SCRN1: variants seen among roughly 807,000 people sequenced by gnomAD.
SCRN1 encodes secernin-1.
Under a neutral mutation model 43.3 loss-of-function variants are expected in SCRN1, and 19 were observed. The observed-to-expected ratio is 0.44, with a 90% CI of 0.31 to 0.64. The LOEUF is 0.64. Ranked by LOEUF, SCRN1 falls within the 30% of genes least tolerant of loss-of-function variation. The pLI is 0.09. For missense variants in SCRN1, 447 were observed against 524.1 expected (o/e 0.85, Z 1.44); for synonymous variants, 183 against 188.9 (o/e 0.97, Z 0.26).
chr7:29,966,517 C>G (rs1390186128), intron 2 of SCRN1, among the ~76,000 whole-genome samples: 1 of 151,906 alleles, frequency 6.6e-6, no homozygotes, highest in Non-Finnish European at 1.5e-5. Flanking sequence ...AGTAACAACT[C>G]AAATCAGCAA....
At chr7:29,969,252 G>A (rs1411198294) in intron 1 of SCRN1, 184 bp from the exon 2 acceptor site, 5 of 635,142 alleles carry the variant, frequency 7.9e-6, no homozygotes, top group Admixed American at 3.0e-5. Flanking sequence ...CAGAGCCACC[G>A]AGACCAGATA....
intron 7 of SCRN1, among the ~76,000 whole-genome samples, chr7:29,925,854 C>CAAAAAA (rs59395122): frequency 6.0e-5 from 5 of 83,978 alleles, no homozygotes; most frequent in African/African-American, 8.3e-5. Flanking sequence ...ACTAAAAATA[C>CAAAAAA]AAAAAAAAAA....
upstream of SCRN1, chr7:29,990,196 C>T (rs1266373416): frequency 4.5e-6 from 7 of 1,551,672 alleles, no homozygotes; most frequent in East Asian, 7.3e-5. Context: ...TTGACTCGCA[C>T]GTCCAAGTCG....
rs778950450 is a variant in SCRN1 at position 29,926,507 on chromosome 7, C to T, written c.1031G>A (p.Arg344Gln). The change falls in exon 7 of 8, where the codon CGG (arginine) becomes CAG (glutamine). Residue 344 changes from arginine to glutamine, a missense_variant. By Grantham distance (43) the Arg-to-Gln change is conservative. Coordinates refer to ENST00000242059, the MANE Select transcript of SCRN1 (RefSeq NM_014766.5). Reference sequence around the variant, plus strand: ...CTCGTGGGCTTTGTACAGCTCATGCCGGCGGTCTGGTTTCTCCTGGAACCG... The same window carrying T: ...CTCGTGGGCTTTGTACAGCTCATGCTGGCGGTCTGGTTTCTCCTGGAACCG... ...EPRFQEKPDR[R>Q]HELYKAHEWA... 6.8e-6 allele frequency: 11 copies of T among 1,613,962 alleles called. No homozygotes were observed. The highest frequency in any genetic ancestry group is 6.7e-5 in the African/African-American group (5 of 74,904).
At chr7:29,932,869 A>AT (rs1787206770) in intron 6 of SCRN1, among the ~76,000 whole-genome samples, 1 of 151,206 alleles carries the variant, frequency 6.6e-6, no homozygotes, top group Non-Finnish European at 1.5e-5. Flanking sequence ...CCTGTATCTT[A>AT]TTTATTTTAT....
chr7:29,931,714 G>A (rs1040565413), intron 6 of SCRN1, among the ~76,000 whole-genome samples: 4 of 152,196 alleles, frequency 2.6e-5, no homozygotes, highest in Admixed American at 6.5e-5. Flanking sequence ...AAACCAGGCT[G>A]CTCCTGTGAC....
At chr7:29,947,037 T>A (rs1196662417) in intron 3 of SCRN1, among the ~76,000 whole-genome samples, 1 of 152,254 alleles carries the variant, frequency 6.6e-6, no homozygotes, top group Non-Finnish European at 1.5e-5. Flanking sequence ...TCTGGCCCCA[T>A]GCCTAATTTC....
chr7:29,955,187 A>T lies in SCRN1; in HGVS notation c.333T>A (p.Asp111Glu), dbSNP rs1038484976. 2.7e-5 allele frequency: 44 copies of T among 1,614,048 alleles called. No homozygotes were observed. The highest frequency in any genetic ancestry group is 3.6e-5 in the Non-Finnish European group (43 of 1,179,962). Residue 111 changes from aspartate to glutamate, a missense_variant, in exon 3 of 8, where the codon GAT becomes GAA. Transcript: ENST00000242059. ...AAEIEALLGMDLVRLGLERGE... is the reference protein window; with the variant it reads ...AAEIEALLGMELVRLGLERGE... The stretch of plus-strand genomic sequence containing the variant: ...GAATCACCATGCAGTACCTGACCAG[A>T]TCCATCCCCAGCAAGGCTTCTATCT...
intron 3 of SCRN1, chr7:29,947,116 G>T: frequency 6.8e-7 from 1 of 1,472,322 alleles, no homozygotes; most frequent in Non-Finnish European, 9.1e-7. Context: ...AATGGGCCAA[G>T]GTTAGAGTTC....
At chr7:29,977,208 A>C (rs773951648) in intron 1 of SCRN1, among the ~76,000 whole-genome samples, 7 of 152,246 alleles carry the variant, frequency 4.6e-5, no homozygotes, top group Non-Finnish European at 7.3e-5. Flanking sequence ...ACTTACGTAA[A>C]GAATGAAACC....
At chr7:29,942,187 CT>C (rs1484719228) in intron 4 of SCRN1, among the ~76,000 whole-genome samples, 1 of 152,190 alleles carries the variant, frequency 6.6e-6, no homozygotes, top group Non-Finnish European at 1.5e-5. Context: ...TTAAAAAATA[CT>C]CTTGTAAGCA....
intron 6 of SCRN1, among the ~76,000 whole-genome samples, chr7:29,927,428 C>T (rs1787004629): frequency 6.8e-6 from 1 of 146,862 alleles, no homozygotes; most frequent in Non-Finnish European, 1.5e-5. Context: ...GATCCCAGGC[C>T]AACGGGCTAA....
chr7:29,961,675 C>T (rs1348129388), intron 2 of SCRN1, among the ~76,000 whole-genome samples: 3 of 151,234 alleles, frequency 2.0e-5, no homozygotes, highest in African/African-American at 7.3e-5. Context: ...ACCTCCCGGA[C>T]GGGGCGGCTG....
intron 3 of SCRN1, among the ~76,000 whole-genome samples, chr7:29,952,804 C>T (rs979126872): frequency 2.0e-5 from 3 of 152,140 alleles, no homozygotes; most frequent in Non-Finnish European, 4.4e-5. Context: ...CTGATCATAG[C>T]TGCTTTAAAG....
upstream of SCRN1, chr7:29,989,844 T>G: frequency 1.1e-6 from 1 of 914,890 alleles, no homozygotes; most frequent in Non-Finnish European, 1.2e-6. Flanking sequence ...CTGGCCCGAC[T>G]CACGTGACCG....
chr7:29,989,826 C>G (rs1039033052), upstream of SCRN1: 13 of 987,012 alleles, frequency 1.3e-5, no homozygotes, highest in African/African-American at 3.5e-5. Flanking sequence ...CGCCGCCCCC[C>G]GCAGCAGCTG....
At chr7:29,931,013 G>A (rs141934308) in intron 6 of SCRN1, among the ~76,000 whole-genome samples, 204 of 152,314 alleles carry the variant, frequency 1.3e-3, no homozygotes, top group African/African-American at 4.6e-3. Context: ...GACGCACAGC[G>A]TGGGCATCCA....
intron 2 of SCRN1, among the ~76,000 whole-genome samples, chr7:29,966,258 A>G (rs1246600785): frequency 6.7e-6 from 1 of 149,756 alleles, no homozygotes; most frequent in Non-Finnish European, 1.5e-5. Flanking sequence ...CACTTCCACC[A>G]TGCTCCACCG....
intron 6 of SCRN1, among the ~76,000 whole-genome samples, chr7:29,933,973 T>C (rs1252032967): frequency 6.6e-6 from 1 of 152,186 alleles, no homozygotes; most frequent in Non-Finnish European, 1.5e-5. Context: ...TCCCTAACTT[T>C]CTTGCCTAAA....
Sources: gnomAD v4.1 joint callset for allele counts (sites outside exome capture counted in the v4.1 genomes callset) on GRCh38, gnomAD v4.1.1 for gene constraint, MANE v1.5 for transcripts, NCBI Gene and HGNC (gene_info 2026-07-23, HGNC 2026-07-21) for gene names.